Variants in TANC1 observed in about 807,000 individuals in gnomAD.
TANC1 encodes the protein protein TANC1.
In TANC1, 77 loss-of-function variants were observed where a neutral mutation model predicts 149.7. That is an observed-to-expected ratio of 0.51 (90% CI 0.43 to 0.62). TANC1 has a LOEUF of 0.62. TANC1 is among the 20% of genes least tolerant of loss of function. TANC1 has a pLI of 0.00. For synonymous variants in TANC1, 854 were observed against 925.0 expected (o/e 0.92, Z 1.39); for missense variants, 1,985 against 2,321.8 (o/e 0.85, Z 2.98).
Position 159,178,889 on chromosome 2 carries a change from A to G in TANC1, c.2236A>G (p.Met746Val). 6.2e-7 allele frequency: 1 copy of G among 1,614,200 alleles called. No individual in the cohort carries two copies. The highest frequency in any genetic ancestry group is 1.3e-5 in the African/African-American group (1 of 75,052). The change falls in exon 14 of 27, where the codon ATG (methionine) becomes GTG (valine). Residue 746 changes from methionine (M) to valine (V), a missense_variant. Met to Val is a conservative substitution (Grantham distance 21). Transcript: ENST00000263635. The stretch of plus-strand genomic sequence containing the variant: ...TTTGCTTCAGTGCAACATGAAGTTC[A>G]TGACCCAGTCCGCCTTTGAGAGGGC... Reference protein sequence around the residue: ...LYLLQCNMKFMTQSAFERALP... With the variant: ...LYLLQCNMKFVTQSAFERALP...
chr2:159,032,306 T>G (rs760713769), intron 2 of TANC1, among the ~76,000 whole-genome samples: 4 of 152,220 alleles, frequency 2.6e-5, no homozygotes, highest in African/African-American at 9.6e-5. Context: ...CCGTTGGTGT[T>G]AGAGACCACA....
At chr2:159,177,689 T>A (rs1331436734) in intron 13 of TANC1, among the ~76,000 whole-genome samples, 1 of 152,250 alleles carries the variant, frequency 6.6e-6, no homozygotes, top group African/African-American at 2.4e-5. Flanking sequence ...CCTCTTTATC[T>A]ACATTGTTAT....
intron 4 of TANC1, among the ~76,000 whole-genome samples, chr2:159,112,566 T>TC (rs2047844684): frequency 6.6e-6 from 1 of 151,236 alleles, no homozygotes; most frequent in Admixed American, 6.6e-5. Flanking sequence ...TTTTTTTTTT[T>TC]TTTTTTTCTC....
intron 1 of TANC1, among the ~76,000 whole-genome samples, chr2:158,971,549 AGT>A (rs1328644484): frequency 6.6e-6 from 1 of 152,206 alleles, no homozygotes; most frequent in Admixed American, 6.5e-5. Flanking sequence ...TGCATATTTC[AGT>A]GGTGGAAAAA....
intron 2 of TANC1, among the ~76,000 whole-genome samples, chr2:159,028,243 C>T (rs2039506821): frequency 6.6e-6 from 1 of 152,182 alleles, no homozygotes; most frequent in African/African-American, 2.4e-5. Context: ...GCCTTAGCAT[C>T]CCAAGTAGCT....
At chr2:159,021,242 A>G (rs2038808495) in intron 2 of TANC1, among the ~76,000 whole-genome samples, 1 of 152,194 alleles carries the variant, frequency 6.6e-6, no homozygotes, top group Non-Finnish European at 1.5e-5. Flanking sequence ...TTTACACATA[A>G]TGATATAGTA....
At chr2:159,214,560 C>T (rs183506183) in intron 19 of TANC1, among the ~76,000 whole-genome samples, 46 of 152,340 alleles carry the variant, frequency 3.0e-4, no homozygotes, top group African/African-American at 1.1e-3. Flanking sequence ...CTCGGCTTAC[C>T]AGCTACCTCC....
chr2:159,090,116 C>A (rs1199264929), intron 3 of TANC1, among the ~76,000 whole-genome samples: 2 of 152,330 alleles, frequency 1.3e-5, no homozygotes, highest in Non-Finnish European at 2.9e-5. Flanking sequence ...TTCCCAGAGG[C>A]AGCCACTGCT....
Position 159,097,101 on chromosome 2 carries a change from G to C in TANC1, c.62-536G>C, listed in dbSNP as rs532275735. 1.8e-4 allele frequency among the ~76,000 whole-genome samples: 28 copies of C among 152,102 alleles called. 1 individual carries two copies. Among genetic ancestry groups the C allele is most frequent in the Non-Finnish European group, 3.7e-4 (25 of 68,022 alleles). On this transcript the variant is annotated intron_variant, in intron 3 of 26. Transcript: ENST00000263635. The stretch of plus-strand genomic sequence containing the variant: ...TTTGGGGCTGTTTGAGTTTTAGGAG[G>C]GTGGCCCTGTGTCATGGGGAGTGTT...
At chr2:159,197,545 T>C (rs1325708598) in intron 18 of TANC1, among the ~76,000 whole-genome samples, 2 of 152,164 alleles carry the variant, frequency 1.3e-5, no homozygotes, top group Non-Finnish European at 2.9e-5. Flanking sequence ...TCAAAACTCA[T>C]GAGCGGACAC....
chr2:159,229,804 G>A lies in TANC1; in HGVS notation c.4378G>A (p.Glu1460Lys). 6.2e-7 allele frequency: 1 copy of A among 1,613,884 alleles called. No individual in the cohort carries two copies. The highest frequency in any genetic ancestry group is 8.5e-7 in the Non-Finnish European group (1 of 1,180,016). Residue 1460 changes from glutamate to lysine, a missense_variant, in exon 27 of 27, where the codon GAA (glutamate) becomes AAA (lysine). Glu to Lys is a moderately conservative substitution (Grantham distance 56). Coordinates refer to ENST00000263635, the MANE Select transcript of TANC1 (RefSeq NM_033394.3). ...TGACCACTTTCACTCTGAGGAGACT[G>A]AAGAGGAAGAAACTTCTCCCCAGGA... ...LSDHFHSEET[E>K]EEETSPQEES...
chr2:158,973,360 G>C (rs1342533724), intron 1 of TANC1, among the ~76,000 whole-genome samples: 1 of 152,164 alleles, frequency 6.6e-6, no homozygotes, highest in Non-Finnish European at 1.5e-5. Flanking sequence ...GTAGGAGATG[G>C]GGGTGGAGAG....
At chr2:159,216,868 G>A (rs1418963415) in intron 19 of TANC1, among the ~76,000 whole-genome samples, 1 of 152,164 alleles carries the variant, frequency 6.6e-6, no homozygotes, top group Non-Finnish European at 1.5e-5. Flanking sequence ...GACTGCCTCA[G>A]TGATTATTCT....
intron 18 of TANC1, among the ~76,000 whole-genome samples, chr2:159,197,138 C>G (rs542201294): frequency 2.0e-5 from 3 of 152,242 alleles, no homozygotes; most frequent in African/African-American, 7.2e-5. Flanking sequence ...TCCTTGTGTT[C>G]ATTTAAAAAT....
At chr2:159,174,884 C>G in intron 11 of TANC1, 69 bp from the exon 12 acceptor site, 1 of 1,209,394 alleles carries the variant, frequency 8.3e-7, no homozygotes, top group Non-Finnish European at 1.2e-6. Flanking sequence ...AGTTGTGTTC[C>G]TGTTTGAGAT....
At chr2:159,116,843 A>T (rs1178264518) in intron 4 of TANC1, among the ~76,000 whole-genome samples, 1 of 152,198 alleles carries the variant, frequency 6.6e-6, no homozygotes, top group Non-Finnish European at 1.5e-5. Flanking sequence ...TATGAACCCC[A>T]CTTACAGTGA....
rs57208685 is a variant in TANC1 at position 159,046,589 on chromosome 2, C to CTTTTTTTTTTTTTTTTTTTT, written c.-15-19298_-15-19279dup. ...ATGCACCATTCTTTTCTTTTCTTTA[C>CTTTTTTTTTTTTTTTTTTTT]TTTTTTTTTTTTTTTTTTTTTTTTT... On this transcript the variant is annotated intron_variant, in intron 2 of 26. Transcript: ENST00000263635. Among the ~76,000 whole-genome samples, 9 of 84,388 alleles carry CTTTTTTTTTTTTTTTTTTTT rather than the reference C, an allele frequency of 1.1e-4. 2 individuals are homozygous for CTTTTTTTTTTTTTTTTTTTT. The highest frequency in any genetic ancestry group is 1.2e-3 in the South Asian group (2 of 1,722). The allele number at this position is 84,388 out of a possible 152,430, so 55.4% of individuals were successfully genotyped here.
chr2:159,133,577 AC>A (rs899922196), intron 4 of TANC1, among the ~76,000 whole-genome samples: 131 of 152,196 alleles, frequency 8.6e-4, no homozygotes, highest in African/African-American at 3.0e-3. Flanking sequence ...TATGTCTCTT[AC>A]ACAGCAAATA....
At chr2:159,036,967 A>G (rs1406112439) in intron 2 of TANC1, among the ~76,000 whole-genome samples, 4 of 152,086 alleles carry the variant, frequency 2.6e-5, no homozygotes, top group East Asian at 1.9e-4. Context: ...CTAGTTTACA[A>G]TCCCACCAAC....
Sources: allele counts gnomAD v4.1 joint callset (sites outside exome capture counted in the v4.1 genomes callset), GRCh38; gene constraint gnomAD v4.1.1; transcripts MANE v1.5; gene names NCBI Gene and HGNC (gene_info 2026-07-23, HGNC 2026-07-21).